The following EPB41 variants were observed in gnomAD, a reference collection of about 807,000 sequenced individuals.
EPB41 encodes erythrocyte membrane protein band 4.1, also known as protein 4.1.
A neutral mutation model predicts 108.0 loss-of-function variants in EPB41; 65 were observed. The observed-to-expected ratio is 0.60, with a 90% confidence interval of 0.49 to 0.74. The LOEUF is 0.74. Ranked by LOEUF, EPB41 falls within the 30% of genes least tolerant of loss-of-function variation. The pLI, the probability that EPB41 is intolerant of heterozygous loss-of-function variation, is 0.00. For missense variants in EPB41, 875 were observed against 1,037.0 expected (o/e 0.84, Z 2.15); for synonymous variants, 336 against 358.9 (o/e 0.94, Z 0.72).
At chr1:29,097,397 T>C (rs1352458912) in intron 16 of EPB41, 1 of 263,772 alleles carries the variant, frequency 3.8e-6, no homozygotes, top group African/African-American at 2.2e-5. Flanking sequence ...CTGTTTCATG[T>C]ACCATTCGTA....
At chr1:29,044,035 C>T (rs1456573328) in intron 11 of EPB41, among the ~76,000 whole-genome samples, 1 of 152,154 alleles carries the variant, frequency 6.6e-6, no homozygotes, top group Non-Finnish European at 1.5e-5. Context: ...ATAAAAACTC[C>T]TACTGTGGAT....
chr1:29,053,358 G>T, intron 12 of EPB41, 46 bp downstream of exon 12: 3 of 1,609,170 alleles, frequency 1.9e-6, no homozygotes, highest in Non-Finnish European at 2.6e-6. Flanking sequence ...TTCTGATTTA[G>T]AGGCCTTAAC....
intron 11 of EPB41, among the ~76,000 whole-genome samples, chr1:29,046,838 A>G (rs368779982): frequency 6.6e-6 from 1 of 152,142 alleles, no homozygotes; most frequent in African/African-American, 2.4e-5. Context: ...TTTACTTTCA[A>G]TTTTTAAACG....
intron 4 of EPB41, among the ~76,000 whole-genome samples, chr1:29,002,570 C>T (rs1340824381): frequency 3.3e-5 from 5 of 152,056 alleles, no homozygotes; most frequent in East Asian, 1.9e-4. Context: ...GAGCATCCTT[C>T]GGGTTGAATA....
intron 1 of EPB41, among the ~76,000 whole-genome samples, chr1:28,918,596 G>A (rs746935449): frequency 3.9e-5 from 6 of 152,064 alleles, no homozygotes; most frequent in Non-Finnish European, 7.3e-5. Flanking sequence ...CCTTATGTAT[G>A]TGAAGGATCC....
rs1055153178 is a variant in EPB41, at chr1:28,923,341, C to T, written c.-8+8573C>T. On this transcript the variant is annotated intron_variant, in intron 1 of 20. Transcript: ENST00000343067. ...AACTCCTGACCTCAGGTAATCTACC[C>T]GCCTCGGCCTCCCAAAGTGCTGGGA... 7.5e-5 allele frequency among the ~76,000 whole-genome samples: 11 copies of T among 146,922 alleles called. No homozygotes were observed. The East Asian group carries it at 1.3e-3, about 17-fold the overall frequency.
At chr1:28,890,054 T>C (rs1376018095) in intron 1 of EPB41, among the ~76,000 whole-genome samples, 1 of 151,984 alleles carries the variant, frequency 6.6e-6, no homozygotes, top group Non-Finnish European at 1.5e-5. Context: ...TTTTGTTTTT[T>C]TGAGACAGAG....
chr1:29,106,598 G>A (rs1431941236), intron 17 of EPB41, among the ~76,000 whole-genome samples: 1 of 49,592 alleles, frequency 2.0e-5, no homozygotes. Flanking sequence ...TTTTGAGATG[G>A]AGTCTTCCTC....
chr1:29,068,900 C>T (rs1039604838), intron 16 of EPB41: 4 of 865,270 alleles, frequency 4.6e-6, no homozygotes, highest in South Asian at 6.0e-5. Flanking sequence ...TTTCTTTTGG[C>T]TATACTAGTA....
chr1:29,010,839 A>C (rs562196541), intron 4 of EPB41, among the ~76,000 whole-genome samples: 2 of 152,214 alleles, frequency 1.3e-5, no homozygotes, highest in East Asian at 3.9e-4. Context: ...TTGGCCAGGC[A>C]TAGTGGCTCA....
At chr1:29,002,761 C>G (rs1411895481) in intron 4 of EPB41, among the ~76,000 whole-genome samples, 4 of 152,152 alleles carry the variant, frequency 2.6e-5, no homozygotes, top group Non-Finnish European at 5.9e-5. Flanking sequence ...AGCCTTCATT[C>G]TACAAAATAG....
intron 9 of EPB41, among the ~76,000 whole-genome samples, chr1:29,033,521 A>T (rs1030442608): frequency 6.6e-6 from 1 of 152,302 alleles, no homozygotes; most frequent in East Asian, 1.9e-4. Context: ...CCAAGCAAAA[A>T]CTTAATGGAA....
chr1:29,011,718 G>A (rs2096504784), intron 4 of EPB41, 147 bp from the exon 5 acceptor site: 1 of 867,010 alleles, frequency 1.2e-6, no homozygotes, highest in Admixed American at 2.5e-5. Context: ...AAATCACTAT[G>A]CTTTGTGAAA....
chr1:28,936,445 T>C (rs1047209072), intron 1 of EPB41, among the ~76,000 whole-genome samples: 1 of 152,188 alleles, frequency 6.6e-6, no homozygotes, highest in African/African-American at 2.4e-5. Flanking sequence ...AAATTTACCA[T>C]TTTCAAATGT....
chr1:28,996,407 T>TA (rs1156528116), intron 3 of EPB41, among the ~76,000 whole-genome samples: 5 of 152,180 alleles, frequency 3.3e-5, no homozygotes, highest in Non-Finnish European at 5.9e-5. Flanking sequence ...AAAGAGATTG[T>TA]AGGGAGTTGA....
In EPB41 at chr1:29,004,265, T is replaced by C. The variant is rs145659893; in HGVS notation, c.786+6946T>C. Reference sequence around the variant, plus strand: ...TCTAAGCAGAAAACTTGTGCTCTTCTGGTAAATAATGAGAATTTTAAATTA... The same window carrying C: ...TCTAAGCAGAAAACTTGTGCTCTTCCGGTAAATAATGAGAATTTTAAATTA... On this transcript the variant is annotated intron_variant, in intron 4 of 20. Coordinates refer to ENST00000343067, the MANE Select transcript of EPB41 (RefSeq NM_001376013.1). 2.9e-3 allele frequency among the ~76,000 whole-genome samples: 441 copies of C among 152,346 alleles called. 4 individuals carry two copies. Among genetic ancestry groups the C allele is most frequent in the Middle Eastern group, 0.01 (3 of 294 alleles).
intron 16 of EPB41, among the ~76,000 whole-genome samples, chr1:29,067,444 C>T (rs1171412234): frequency 3.5e-5 from 5 of 142,256 alleles, no homozygotes; most frequent in African/African-American, 5.2e-5. Context: ...TGCAGTGAGC[C>T]GAGATCGCGC....
At chr1:28,915,289 A>T (rs138727873) in intron 1 of EPB41, among the ~76,000 whole-genome samples, 70 of 152,214 alleles carry the variant, frequency 4.6e-4, no homozygotes, top group African/African-American at 1.7e-3. Flanking sequence ...TCATTGAAAA[A>T]CATGTTCCCC....
intron 1 of EPB41, chr1:28,902,182 G>C (rs574046772): frequency 2.0e-6 from 2 of 985,072 alleles, no homozygotes; most frequent in African/African-American, 3.5e-5. Context: ...AAAAGTGAGC[G>C]GTCATCATCC....
Sources: gnomAD v4.1 joint callset for allele counts (sites outside exome capture counted in the v4.1 genomes callset) on GRCh38, gnomAD v4.1.1 for gene constraint, MANE v1.5 for transcripts, NCBI Gene and HGNC (gene_info 2026-07-23, HGNC 2026-07-21) for gene names.